ABAT: variants seen among roughly 807,000 people sequenced by gnomAD.
ABAT encodes 4-aminobutyrate aminotransferase.
A neutral mutation model predicts 64.6 loss-of-function variants in ABAT; 45 were observed. The ratio of observed to expected loss-of-function variants is 0.70; its 90% CI spans 0.55 to 0.89. The LOEUF (loss-of-function observed/expected upper bound fraction) is 0.89. ABAT is among the 40% of genes least tolerant of loss of function. The probability of loss-of-function intolerance (pLI) is 0.00; values close to 1 mark genes in which losing one functional copy is unlikely to be tolerated. For synonymous variants in ABAT, 297 were observed against 250.5 expected (o/e 1.19, Z -1.75); for missense variants, 633 against 658.4 (o/e 0.96, Z 0.42).
chr16:8,768,321 C>A, intron 10 of ABAT, 65 bp downstream of exon 10: 1 of 1,521,390 alleles, frequency 6.6e-7, no homozygotes, highest in African/African-American at 1.4e-5. Flanking sequence ...GCAACAATAG[C>A]GGCGGCTGAC....
In ABAT at chr16:8,689,018, T is replaced by C. The variant is rs150554347; in HGVS notation, c.-42+14307T>C. ...TCACTTGAACCCAGAAGGCAGAGGT[T>C]GCAGTGAGCCGAGATTGCACCACTG... On this transcript the variant is annotated intron_variant, in intron 1 of 15. Coordinates refer to ENST00000268251, the MANE Select transcript of ABAT (RefSeq NM_020686.6). Among the ~76,000 whole-genome samples the C allele has an allele frequency of 2.7e-3, 405 of 150,824 alleles. 2 individuals are homozygous for C. Among genetic ancestry groups the C allele is most frequent in the African/African-American group, 9.4e-3 (385 of 40,892 alleles).
At chr16:8,773,140 A>ACACACACACACC in intron 12 of ABAT, among the ~76,000 whole-genome samples, 1 of 137,270 alleles carries the variant, frequency 7.3e-6, no homozygotes, top group Admixed American at 7.2e-5. Context: ...ACACACACAC[A>ACACACACACACC]CACACACATA....
intron 8 of ABAT, 197 bp from the exon 9 acceptor site, chr16:8,766,011 T>C: frequency 1.7e-6 from 1 of 583,176 alleles, no homozygotes. Flanking sequence ...TAATGCATTA[T>C]GTGTGTTAGT....
At chr16:8,694,553 T>C (rs1273367) in intron 1 of ABAT, among the ~76,000 whole-genome samples, 13,135 of 152,084 alleles carry the variant, frequency 0.086, 687 homozygotes, top group Middle Eastern at 0.17. Context: ...ACCTTTTTTA[T>C]TTTTTGTAGA....
intron 1 of ABAT, among the ~76,000 whole-genome samples, chr16:8,701,921 C>A (rs1162468988): frequency 7.5e-6 from 1 of 133,408 alleles, no homozygotes; most frequent in Non-Finnish European, 1.6e-5. Context: ...GTGGCTGGAG[C>A]AGAGCAGGAG....
intron 1 of ABAT, among the ~76,000 whole-genome samples, chr16:8,686,503 G>T (rs1424265216): frequency 3.3e-5 from 5 of 152,228 alleles, no homozygotes; most frequent in Non-Finnish European, 5.9e-5. Context: ...TGACCCATGA[G>T]TAGTAGCCAC....
intron 4 of ABAT, among the ~76,000 whole-genome samples, chr16:8,749,227 A>G (rs545170553): frequency 1.3e-5 from 2 of 150,914 alleles, no homozygotes; most frequent in South Asian, 4.2e-4. Context: ...CACTGAGATT[A>G]CAGGCACCCG....
At chr16:8,736,076 A>G in intron 2 of ABAT, 1 of 472,588 alleles carries the variant, frequency 2.1e-6, no homozygotes. Flanking sequence ...AAGGAGGAAC[A>G]AAGGCACGTC....
intron 1 of ABAT, among the ~76,000 whole-genome samples, chr16:8,732,592 A>G (rs2058763530): frequency 6.6e-6 from 1 of 151,674 alleles, no homozygotes; most frequent in African/African-American, 2.4e-5. Context: ...TTAGCACAGA[A>G]CAAAATGAAA....
At chr16:8,685,818 G>A (rs575301148) in intron 1 of ABAT, among the ~76,000 whole-genome samples, 19 of 152,334 alleles carry the variant, frequency 1.2e-4, no homozygotes, top group African/African-American at 4.1e-4. Flanking sequence ...CCCGCCAGGT[G>A]ACCCATGATC....
rs2060001644 is a variant in ABAT, at chr16:8,768,214, A to G, written c.625A>G (p.Ser209Gly). 1 of 1,614,166 alleles carries G rather than the reference A, an allele frequency of 6.2e-7. No homozygotes were observed. Residue 209 changes from serine to glycine, a missense_variant, in exon 10 of 16, where the codon AGC becomes GGC. Transcript: ENST00000268251. ...TTAGGCCCCTGGCTGCCCCGACTAC[A>G]GCATCCTCTCCTTCATGGGCGCGTT... ...INQAPGCPDY[S>G]ILSFMGAFHG...
chr16:8,746,245 C>A, intron 3 of ABAT, 147 bp downstream of exon 3: 1 of 719,008 alleles, frequency 1.4e-6, no homozygotes, highest in Non-Finnish European at 2.4e-6. Context: ...CTCAATGAGG[C>A]CATTTTGCCA....
At chr16:8,706,404 CAAAAAAAAAAA>C (rs56329419) in intron 1 of ABAT, among the ~76,000 whole-genome samples, 1 of 95,086 alleles carries the variant, frequency 1.1e-5, no homozygotes. Flanking sequence ...GACCCTGTTT[CAAAAAAAAAAA>C]AAAAAAAAGA....
At chr16:8,762,003 TCTC>T (rs2059811464) in intron 6 of ABAT, among the ~76,000 whole-genome samples, 1 of 135,286 alleles carries the variant, frequency 7.4e-6, no homozygotes, top group African/African-American at 2.5e-5. Context: ...TTCTCCTTCT[TCTC>T]CTTCTTCTTC....
chr16:8,735,442 G>A (rs2058892508), intron 1 of ABAT, among the ~76,000 whole-genome samples: 2 of 152,034 alleles, frequency 1.3e-5, no homozygotes, highest in Non-Finnish European at 2.9e-5. Flanking sequence ...TGTGAAGATG[G>A]GATCTTGCTA....
At chr16:8,684,178 G>A (rs189764218) in intron 1 of ABAT, among the ~76,000 whole-genome samples, 44 of 152,290 alleles carry the variant, frequency 2.9e-4, no homozygotes, top group South Asian at 8.3e-4. Flanking sequence ...ATTTCAGGAG[G>A]AAAAGGCAGA....
chr16:8,693,201 T>C (rs967732362), intron 1 of ABAT, among the ~76,000 whole-genome samples: 3 of 152,208 alleles, frequency 2.0e-5, no homozygotes, highest in Admixed American at 6.5e-5. Flanking sequence ...ACTAATAGCA[T>C]CCGGCTAACC....
chr16:8,697,825 A>C (rs1362652138), intron 1 of ABAT, among the ~76,000 whole-genome samples: 1 of 151,900 alleles, frequency 6.6e-6, no homozygotes, highest in Non-Finnish European at 1.5e-5. Flanking sequence ...TTAGTAGAGA[A>C]GGGGTTTCAC....
chr16:8,764,219 G>T lies in ABAT; in HGVS notation c.447+70G>T. ...GGCAGGGGAAGGGAAAAGTGGAGAC[G>T]CCAACAATGAAGAATAAGGTGTTGC... On this transcript the variant is annotated intron_variant, in intron 7 of 15. Transcript: ENST00000268251. The surrounding 1 kb of genome is among the most constrained non-coding windows in gnomAD (Gnocchi z 4.2). 2 of 1,261,276 alleles carry T rather than the reference G, an allele frequency of 1.6e-6. No homozygotes were observed. The allele number at this position is 1,261,276 out of a possible 1,614,324, so 78.1% of individuals were successfully genotyped here.
Sources: allele counts gnomAD v4.1 joint callset (sites outside exome capture counted in the v4.1 genomes callset), GRCh38; gene constraint gnomAD v4.1.1; non-coding constraint Gnocchi (gnomAD v3.1); transcripts MANE v1.5; gene names NCBI Gene and HGNC (gene_info 2026-07-23, HGNC 2026-07-21).